Variants in VPS4B observed in about 807,000 individuals in gnomAD.
VPS4B encodes vacuolar protein sorting-associated protein 4B.
VPS4B carries 23 observed loss-of-function variants against 56.1 expected under a neutral mutation model. The observed-to-expected ratio is 0.41, with a 90% confidence interval of 0.30 to 0.58. The LOEUF is 0.58. VPS4B is among the 20% of genes least tolerant of loss of function. VPS4B has a pLI of 0.29. For missense variants in VPS4B, 372 were observed against 531.9 expected (o/e 0.70, Z 2.96); for synonymous variants, 177 against 186.0 (o/e 0.95, Z 0.39).
chr18:63,395,053 G>A (rs1915639133), intron 9 of VPS4B, among the ~76,000 whole-genome samples: 2 of 152,112 alleles, frequency 1.3e-5, no homozygotes, highest in African/African-American at 4.8e-5. Flanking sequence ...AGCTTTAAAA[G>A]AAGTAAAGGA....
intron 3 of VPS4B, 133 bp from the exon 4 acceptor site, chr18:63,407,632 T>C: frequency 1.5e-6 from 1 of 669,552 alleles, no homozygotes; most frequent in Non-Finnish European, 2.5e-6. Flanking sequence ...AAGTTATGCT[T>C]ACTTATTTTA....
rs545661866 is a variant in VPS4B at position 63,422,472 on chromosome 18, C to T, written c.-213G>A. The stretch of plus-strand genomic sequence containing the variant: ...CACCAAACTTCCGCAATCCCGAGGC[C>T]CTCTAGGTTCTGGTCCCGCCTCTGC... On this transcript the variant is annotated 5_prime_UTR_variant, in exon 1 of 11. Coordinates refer to ENST00000238497, the MANE Select transcript of VPS4B (RefSeq NM_004869.4). The T allele has an allele frequency of 1.5e-4, 61 of 396,518 alleles. No individual in the cohort carries two copies. Among genetic ancestry groups the T allele is most frequent in the African/African-American group, 1.2e-3 (59 of 48,330 alleles). 24.6% of individuals were successfully genotyped at this position (396,518 alleles called of 1,614,324 possible).
chr18:63,401,294 G>A (rs888506506), intron 5 of VPS4B, among the ~76,000 whole-genome samples: 3 of 152,042 alleles, frequency 2.0e-5, no homozygotes, highest in Non-Finnish European at 4.4e-5. Flanking sequence ...CACTCTTGTT[G>A]CCCAGGCTGG....
At chr18:63,409,453 T>G (rs1915985838) in intron 3 of VPS4B, among the ~76,000 whole-genome samples, 1 of 152,192 alleles carries the variant, frequency 6.6e-6, no homozygotes, top group South Asian at 2.1e-4. Flanking sequence ...AGAATCTCGC[T>G]GTTTTCAAAC....
chr18:63,402,574 T>C (rs1915834355), intron 5 of VPS4B, among the ~76,000 whole-genome samples: 2 of 152,120 alleles, frequency 1.3e-5, no homozygotes, highest in African/African-American at 4.8e-5. Flanking sequence ...AAAATGTTGT[T>C]CTAAAAAATA....
chr18:63,422,220 T>C lies in VPS4B; in HGVS notation c.27+13A>G, dbSNP rs754346595. On this transcript the variant is annotated intron_variant, in intron 1 of 10. Coordinates refer to ENST00000238497, the MANE Select transcript of VPS4B (RefSeq NM_004869.4). ...CCCAGCTCCCTAGGGGGACGGGAGA[T>C]GAGCAATGATACCTGGAGGTTGGGC... is the stretch of plus-strand genomic sequence containing the variant. The C allele has an allele frequency of 2.3e-5, 34 of 1,505,788 alleles. No homozygotes were observed. The highest frequency in any genetic ancestry group is 2.8e-5 in the Non-Finnish European group (32 of 1,125,500). The allele number at this position is 1,505,788 out of a possible 1,614,324, so 93.3% of individuals were successfully genotyped here.
At chr18:63,407,269 T>C (rs573892117) in intron 4 of VPS4B, 163 bp downstream of exon 4, 16 of 635,542 alleles carry the variant, frequency 2.5e-5, no homozygotes, top group African/African-American at 2.2e-4. Flanking sequence ...GGGCAAACCC[T>C]AAGAAAACAC....
At chr18:63,419,683 C>T (rs1291510099) in intron 1 of VPS4B, among the ~76,000 whole-genome samples, 1 of 152,172 alleles carries the variant, frequency 6.6e-6, no homozygotes, top group East Asian at 1.9e-4. Flanking sequence ...AATAAAATGC[C>T]TACGTCATGA....
chr18:63,405,969 C>T (rs1165853053), intron 4 of VPS4B, among the ~76,000 whole-genome samples: 1 of 151,546 alleles, frequency 6.6e-6, no homozygotes, highest in African/African-American at 2.4e-5. Context: ...CTGGGCAACA[C>T]AGCGACACCC....
At chr18:63,397,568 G>T (rs1915699074) in intron 8 of VPS4B, among the ~76,000 whole-genome samples, 1 of 152,118 alleles carries the variant, frequency 6.6e-6, no homozygotes, top group Admixed American at 6.5e-5. Flanking sequence ...CTGAACTCTT[G>T]ATCAAGGGAC....
chr18:63,396,422 T>A (rs1230161271), intron 9 of VPS4B: 2 of 152,300 alleles, frequency 1.3e-5, no homozygotes, highest in Non-Finnish European at 2.9e-5. Context: ...CCAGCTAATT[T>A]TTGTATTTTT....
intron 1 of VPS4B, among the ~76,000 whole-genome samples, chr18:63,412,777 T>A (rs2144434008): frequency 6.6e-6 from 1 of 152,238 alleles, no homozygotes; most frequent in Admixed American, 6.5e-5. Context: ...TCATCCTGCA[T>A]CAGCCTCCCC....
intron 9 of VPS4B, chr18:63,396,733 T>G (rs981582753): frequency 1.6e-5 from 5 of 315,060 alleles, no homozygotes; most frequent in Non-Finnish European, 3.0e-5. Flanking sequence ...CCAGGCGCAG[T>G]GGCTCACGCC....
At position 63,410,957 on chromosome 18, in the gene VPS4B, T is replaced by C. The variant is rs1412850523; in HGVS notation, c.139+510A>G. ...GCCTCTGTCAGAGCTGTTTTCAAAGTGAACTTTGGCAACACGTGCAATAGA... is the reference window on the plus strand; with the variant it reads ...GCCTCTGTCAGAGCTGTTTTCAAAGCGAACTTTGGCAACACGTGCAATAGA... On this transcript the variant is annotated intron_variant, in intron 2 of 10. Coordinates refer to ENST00000238497, the MANE Select transcript of VPS4B (RefSeq NM_004869.4). 3.3e-5 allele frequency among the ~76,000 whole-genome samples: 5 copies of C among 152,210 alleles called. No homozygotes were observed. The East Asian group carries it at 9.6e-4, about 29-fold the overall frequency.
chr18:63,413,538 CAA>C (rs11363766), intron 1 of VPS4B, among the ~76,000 whole-genome samples: 241 of 81,712 alleles, frequency 2.9e-3, no homozygotes, highest in African/African-American at 7.6e-3. Flanking sequence ...GACTCCACCT[CAA>C]AAAAAAAAAA....
At chr18:63,405,753 T>G (rs1237517938) in intron 4 of VPS4B, among the ~76,000 whole-genome samples, 5 of 151,412 alleles carry the variant, frequency 3.3e-5, no homozygotes, top group Non-Finnish European at 7.4e-5. Flanking sequence ...AGCTCAGGAG[T>G]TCGAGAGCAG....
Position 63,407,454 on chromosome 18 carries a change from CT to C in VPS4B, c.341del (p.Lys114ArgfsTer13), listed in dbSNP as rs750318908. 9 of 1,609,336 alleles carry C rather than the reference CT, an allele frequency of 5.6e-6. No homozygotes were observed. Among genetic ancestry groups the C allele is most frequent in the South Asian group, 2.2e-5 (2 of 89,944 alleles). On this transcript the variant is annotated frameshift_variant, in exon 4 of 11. Transcript: ENST00000238497. LOFTEE classifies it high-confidence loss of function. ...AACCTTGAAGTTGATTCTGTAGTTT[CT>C]TTTTTTCAGGATCATCAGATTCTCC... ...GEGESDDPEK[K>X]KLQNQLQGAI...
intron 1 of VPS4B, among the ~76,000 whole-genome samples, chr18:63,417,726 G>C (rs7242807): frequency 0.59 from 89,993 of 151,878 alleles, 27,865 homozygotes; most frequent in East Asian, 0.88. Context: ...TCCAGGAGAA[G>C]AGCAGTTCTG....
At chr18:63,403,641 C>A in intron 5 of VPS4B, 66 bp downstream of exon 5, 1 of 1,468,508 alleles carries the variant, frequency 6.8e-7, no homozygotes, top group East Asian at 2.3e-5. Flanking sequence ...AATGACAATG[C>A]TTCACCTCAG....
Sources: allele counts gnomAD v4.1 joint callset (sites outside exome capture counted in the v4.1 genomes callset), GRCh38; gene constraint gnomAD v4.1.1; transcripts MANE v1.5; gene names NCBI Gene and HGNC (gene_info 2026-07-23, HGNC 2026-07-21).